PTPRT: variants seen among roughly 807,000 people sequenced by gnomAD.
The protein encoded by PTPRT is receptor-type tyrosine-protein phosphatase T.
PTPRT carries 56 observed loss-of-function variants against 176.8 expected under a neutral mutation model. That is an observed-to-expected ratio of 0.32 (90% CI 0.26 to 0.40). The LOEUF (loss-of-function observed/expected upper bound fraction) is 0.40, where lower values mean the gene tolerates loss of function less well. Ranked by LOEUF, PTPRT falls within the 10% of genes least tolerant of loss-of-function variation. The probability of loss-of-function intolerance (pLI) is 1.00; values close to 1 mark genes in which losing one functional copy is unlikely to be tolerated. For missense variants in PTPRT, 1,540 were observed against 1,908.2 expected (o/e 0.81, Z 3.60); for synonymous variants, 783 against 739.0 (o/e 1.06, Z -0.96).
chr20:42,450,856 T>C (rs2070814988), intron 8 of PTPRT, among the ~76,000 whole-genome samples: 1 of 152,194 alleles, frequency 6.6e-6, no homozygotes, highest in Non-Finnish European at 1.5e-5. Context: ...CATTAAGCGA[T>C]TATACTCAAA....
intron 1 of PTPRT, among the ~76,000 whole-genome samples, chr20:42,899,921 C>T (rs2079372360): frequency 6.6e-6 from 1 of 152,188 alleles, no homozygotes; most frequent in Admixed American, 6.5e-5. Flanking sequence ...TAGCAGCTTG[C>T]ATGTACTGGG....
chr20:42,882,415 A>G lies in PTPRT; in HGVS notation c.214+3392T>C, dbSNP rs1440420400. Among the ~76,000 whole-genome samples, 8 of 152,298 alleles carry G rather than the reference A, an allele frequency of 5.3e-5. No individual in the cohort carries two copies. In the South Asian group the frequency reaches 1.2e-3, roughly 24 times the overall value. ...CCATAATGAGGGGCTGAGAAAATTA[A>G]TATTAGAAGCAAAAGCCATGTCTTT... On this transcript the variant is annotated intron_variant, in intron 2 of 30. Transcript: ENST00000373187.
chr20:43,137,797 C>G (rs117994457), intron 1 of PTPRT, among the ~76,000 whole-genome samples: 1,939 of 152,328 alleles, frequency 0.013, 17 homozygotes, highest in East Asian at 0.042. Flanking sequence ...TACACACACA[C>G]ATGCACACGC....
Position 42,621,151 on chromosome 20 carries a change from G to A in PTPRT, c.1153+56715C>T, listed in dbSNP as rs112876383. Among the ~76,000 whole-genome samples the A allele has an allele frequency of 4.7e-3, 708 of 152,200 alleles. 7 individuals are homozygous for A. Among genetic ancestry groups the A allele is most frequent in the African/African-American group, 0.016 (666 of 41,512 alleles). On this transcript the variant is annotated intron_variant, in intron 7 of 30. Coordinates refer to ENST00000373187, the MANE Select transcript of PTPRT (RefSeq NM_007050.6). ...GACAAAGAGCCAAACCATATCACCTGCCTCCTTTCTTTCCCCCTCTGCCCT... is the reference window on the plus strand; with the variant it reads ...GACAAAGAGCCAAACCATATCACCTACCTCCTTTCTTTCCCCCTCTGCCCT...
At chr20:42,338,198 G>C (rs545225875) in intron 11 of PTPRT, among the ~76,000 whole-genome samples, 1 of 152,206 alleles carries the variant, frequency 6.6e-6, no homozygotes, top group Non-Finnish European at 1.5e-5. Flanking sequence ...AATCATGGGA[G>C]CATTAACATG....
In PTPRT at chr20:43,189,232, C is replaced by G. The variant is rs772324999; in HGVS notation, c.88+414G>C. Among the ~76,000 whole-genome samples the G allele has an allele frequency of 6.6e-6, 1 of 152,126 alleles. No homozygotes were observed. Among genetic ancestry groups the G allele is most frequent in the Non-Finnish European group, 1.5e-5 (1 of 68,034 alleles). ...GGACCTGTCCTCCCCACTAAAAGCG[C>G]GCGCTGCCCGAGGAGCTGCCCGGGA... On this transcript the variant is annotated intron_variant, in intron 1 of 30. Coordinates refer to ENST00000373187, the MANE Select transcript of PTPRT (RefSeq NM_007050.6). This position sits in a 1 kb window ranked among gnomAD's most constrained non-coding sequence, Gnocchi z 5.0.
intron 27 of PTPRT, among the ~76,000 whole-genome samples, chr20:42,087,757 C>T (rs911803755): frequency 6.6e-6 from 1 of 150,434 alleles, no homozygotes; most frequent in Non-Finnish European, 1.5e-5. Flanking sequence ...CCTGTAATCC[C>T]AGCTACTCAG....
At chr20:42,300,421 C>T (rs1414592622) in intron 12 of PTPRT, among the ~76,000 whole-genome samples, 1 of 152,004 alleles carries the variant, frequency 6.6e-6, no homozygotes, top group Non-Finnish European at 1.5e-5. Flanking sequence ...TTTAAAGGAA[C>T]CAGAGCTGGG....
intron 9 of PTPRT, among the ~76,000 whole-genome samples, chr20:42,402,706 G>A (rs544843976): frequency 1.3e-5 from 2 of 152,000 alleles, no homozygotes; most frequent in Non-Finnish European, 2.9e-5. Flanking sequence ...GCTTGGTGTG[G>A]ATTGTAAGGC....
chr20:42,719,599 T>C (rs1304760417), intron 6 of PTPRT, among the ~76,000 whole-genome samples: 1 of 152,146 alleles, frequency 6.6e-6, no homozygotes, highest in African/African-American at 2.4e-5. Flanking sequence ...ATGTTACAGC[T>C]AAAGAGTATT....
intron 1 of PTPRT, among the ~76,000 whole-genome samples, chr20:43,059,766 G>A (rs960388253): frequency 3.3e-5 from 5 of 152,114 alleles, no homozygotes; most frequent in African/African-American, 1.2e-4. Flanking sequence ...ATCAACTGAT[G>A]TCAGGAGTTC....
intron 15 of PTPRT, among the ~76,000 whole-genome samples, chr20:42,199,957 C>T (rs1168981839): frequency 6.6e-6 from 1 of 151,816 alleles, no homozygotes; most frequent in Non-Finnish European, 1.5e-5. Context: ...CCCTCAGAAC[C>T]AGACGGATAT....
At chr20:42,086,869 A>G (rs183882588) in intron 27 of PTPRT, among the ~76,000 whole-genome samples, 65 of 149,114 alleles carry the variant, frequency 4.4e-4, no homozygotes, top group African/African-American at 1.6e-3. Context: ...GGGGATAATT[A>G]TGCTTACTTT....
intron 9 of PTPRT, among the ~76,000 whole-genome samples, chr20:42,370,158 A>G (rs2058568424): frequency 6.6e-6 from 1 of 152,330 alleles, no homozygotes; most frequent in Non-Finnish European, 1.5e-5. Flanking sequence ...CCAAGGCAGC[A>G]CAGCTTGTCC....
chr20:42,227,664 A>G (rs916811227), intron 15 of PTPRT, among the ~76,000 whole-genome samples: 5 of 128,124 alleles, frequency 3.9e-5, no homozygotes, highest in African/African-American at 1.2e-4. Flanking sequence ...CTGGAGTGCA[A>G]TGGTATGATC....
intron 1 of PTPRT, among the ~76,000 whole-genome samples, chr20:42,931,601 A>G (rs1979851613): frequency 6.6e-6 from 1 of 152,242 alleles, no homozygotes; most frequent in Non-Finnish European, 1.5e-5. Context: ...ACCTTCTCAT[A>G]GAAGAGGCAG....
At chr20:42,434,356 AC>A (rs2059242675) in intron 9 of PTPRT, among the ~76,000 whole-genome samples, 1 of 152,140 alleles carries the variant, frequency 6.6e-6, no homozygotes, top group Non-Finnish European at 1.5e-5. Context: ...TATTTATTGA[AC>A]CCTATTTTGT....
At chr20:42,977,799 T>C (rs1231252679) in intron 1 of PTPRT, among the ~76,000 whole-genome samples, 1 of 152,250 alleles carries the variant, frequency 6.6e-6, no homozygotes, top group African/African-American at 2.4e-5. Flanking sequence ...CATTTAAAAT[T>C]GTTTTCCTCA....
rs567171158 is a variant in PTPRT at position 42,963,772 on chromosome 20, T to C, written c.89-77840A>G. Among the ~76,000 whole-genome samples, 470 of 152,308 alleles carry C rather than the reference T, an allele frequency of 3.1e-3. 4 individuals are homozygous for C. The highest frequency in any genetic ancestry group is 0.011 in the African/African-American group (442 of 41,568). ...AAAGCCAATAAAATACTTTGTATTC[T>C]GAAGACAATTAAAAATAAGTTTTAG... On this transcript the variant is annotated intron_variant, in intron 1 of 30. Coordinates refer to ENST00000373187, the MANE Select transcript of PTPRT (RefSeq NM_007050.6).
Sources: allele counts gnomAD v4.1 joint callset (sites outside exome capture counted in the v4.1 genomes callset), GRCh38; gene constraint gnomAD v4.1.1; non-coding constraint Gnocchi (gnomAD v3.1); transcripts MANE v1.5; gene names NCBI Gene and HGNC (gene_info 2026-07-23, HGNC 2026-07-21).